The following THADA variants were observed in gnomAD, a reference collection of about 807,000 sequenced individuals.
THADA encodes the protein tRNA (32-2'-O)-methyltransferase regulator THADA.
A neutral mutation model predicts 219.8 loss-of-function variants in THADA; 213 were observed. The ratio of observed to expected loss-of-function variants is 0.97; its 90% confidence interval spans 0.87 to 1.09. The LOEUF (loss-of-function observed/expected upper bound fraction) is 1.09. Ranked by LOEUF, THADA falls within the 50% of genes least tolerant of loss-of-function variation. THADA has a pLI of 0.00. For synonymous variants in THADA, 1,018 were observed against 828.9 expected (o/e 1.23, Z -3.92); for missense variants, 2,956 against 2,311.3 (o/e 1.28, Z -5.72).
intron 20 of THADA, among the ~76,000 whole-genome samples, chr2:43,548,788 A>C (rs905073725): frequency 2.6e-5 from 4 of 152,232 alleles, no homozygotes; most frequent in Admixed American, 2.0e-4. Context: ...TTCTTTGACT[A>C]GGAAAGGGAA....
chr2:43,320,608 G>A, intron 30 of THADA, 68 bp from the exon 31 acceptor site: 2 of 1,151,314 alleles, frequency 1.7e-6, no homozygotes, highest in South Asian at 2.8e-5. Flanking sequence ...TCAGGAAGGA[G>A]AACATGGGTA....
intron 26 of THADA, among the ~76,000 whole-genome samples, chr2:43,466,998 C>A (rs902452572): frequency 6.6e-6 from 1 of 151,438 alleles, no homozygotes; most frequent in South Asian, 2.1e-4. Context: ...CTGGCTAACA[C>A]GGTGAAACCC....
At chr2:43,326,465 G>C (rs756982154) in intron 30 of THADA, among the ~76,000 whole-genome samples, 115 of 152,096 alleles carry the variant, frequency 7.6e-4, no homozygotes, top group Non-Finnish European at 1.3e-4. Flanking sequence ...TGGCAGAGGT[G>C]GGTTATTTTT....
At chr2:43,462,050 C>T (rs970883776) in intron 26 of THADA, among the ~76,000 whole-genome samples, 1 of 152,178 alleles carries the variant, frequency 6.6e-6, no homozygotes, top group African/African-American at 2.4e-5. Context: ...AAGTGAGTAT[C>T]TGAGGAAGGC....
rs1447534176 is a variant in THADA, at chr2:43,577,111, G to A, written c.948C>T (p.Ala316=). ...TGCTTCCGTTCTGCCAGTCCAACAT[G>A]GCAAGTGTCCCCTGACAGAGGAATA... ...AVLFLCQGTL[A]MLDWQNGSMG... Residue 316 remains alanine, a synonymous_variant, in exon 10 of 38, where the codon GCC becomes GCT. Transcript: ENST00000405975. 1.9e-6 allele frequency: 3 copies of A among 1,613,112 alleles called. No homozygotes were observed. The highest frequency in any genetic ancestry group is 1.1e-5 in the South Asian group (1 of 90,712).
intron 29 of THADA, among the ~76,000 whole-genome samples, chr2:43,361,748 T>A (rs1039582280): frequency 6.6e-6 from 1 of 152,234 alleles, no homozygotes; most frequent in African/African-American, 2.4e-5. Flanking sequence ...TAAATTATGA[T>A]TATCCCTCAG....
intron 25 of THADA, among the ~76,000 whole-genome samples, chr2:43,486,078 T>C (rs1226931335): frequency 6.6e-6 from 1 of 152,042 alleles, no homozygotes; most frequent in Non-Finnish European, 1.5e-5. Flanking sequence ...AGTGAGAACC[T>C]GTCTTTAAAA....
At chr2:43,410,622 A>C (rs905704311) in intron 28 of THADA, among the ~76,000 whole-genome samples, 1 of 152,188 alleles carries the variant, frequency 6.6e-6, no homozygotes, top group Non-Finnish European at 1.5e-5. Context: ...TGAGTGAAAA[A>C]GCCAGACAAA....
chr2:43,300,918 C>A (rs74382177), intron 31 of THADA, among the ~76,000 whole-genome samples: 9,342 of 152,256 alleles, frequency 0.061, 417 homozygotes, highest in Non-Finnish European at 0.098. Flanking sequence ...TGGGATGGGG[C>A]TGATGATTTG....
intron 22 of THADA, among the ~76,000 whole-genome samples, chr2:43,523,019 ACACT>A (rs1450267685): frequency 6.6e-6 from 1 of 152,162 alleles, no homozygotes; most frequent in Admixed American, 6.5e-5. Context: ...AATTAATAGG[ACACT>A]CAGTGAGAAA....
chr2:43,375,623 CA>C (rs1240437128), intron 29 of THADA, among the ~76,000 whole-genome samples: 3 of 152,122 alleles, frequency 2.0e-5, no homozygotes, highest in African/African-American at 7.2e-5. Context: ...AATAATTTTA[CA>C]CAGAGGAAAA....
At chr2:43,282,470 T>C (rs1192807171) in intron 35 of THADA, among the ~76,000 whole-genome samples, 1 of 152,244 alleles carries the variant, frequency 6.6e-6, no homozygotes, top group Non-Finnish European at 1.5e-5. Flanking sequence ...AATTCCTTCC[T>C]TTATTCTATA....
At chr2:43,572,240 C>G (rs1332624485) in intron 12 of THADA, among the ~76,000 whole-genome samples, 1 of 152,164 alleles carries the variant, frequency 6.6e-6, no homozygotes, top group Non-Finnish European at 1.5e-5. Context: ...ACTCACGTTT[C>G]CACTAATGTA....
chr2:43,533,572 G>A (rs953007957), intron 21 of THADA, among the ~76,000 whole-genome samples: 2 of 152,164 alleles, frequency 1.3e-5, no homozygotes, highest in African/African-American at 4.8e-5. Flanking sequence ...AAAAAAGAAT[G>A]AGTTCATGTC....
intron 22 of THADA, among the ~76,000 whole-genome samples, chr2:43,510,150 G>T (rs530425673): frequency 4.6e-5 from 7 of 152,294 alleles, no homozygotes; most frequent in African/African-American, 1.2e-4. Flanking sequence ...CCACTGCACT[G>T]TGAACATGGA....
At chr2:43,367,979 G>C (rs1043938155) in intron 29 of THADA, among the ~76,000 whole-genome samples, 1 of 152,016 alleles carries the variant, frequency 6.6e-6, no homozygotes, top group African/African-American at 2.4e-5. Flanking sequence ...TTAGCCAGGC[G>C]TGGTGGCAAG....
intron 29 of THADA, among the ~76,000 whole-genome samples, chr2:43,390,290 G>C (rs1399773873): frequency 6.6e-6 from 1 of 152,154 alleles, no homozygotes; most frequent in Non-Finnish European, 1.5e-5. Flanking sequence ...AGTTTCTAAA[G>C]TAATGGCATC....
intron 25 of THADA, among the ~76,000 whole-genome samples, chr2:43,489,189 T>A (rs1177284542): frequency 6.6e-6 from 1 of 152,186 alleles, no homozygotes; most frequent in East Asian, 1.9e-4. Flanking sequence ...AAATTTTTTT[T>A]AACTTTTCTA....
At chr2:43,505,080 C>T (rs888713408) in intron 24 of THADA, among the ~76,000 whole-genome samples, 2 of 151,998 alleles carry the variant, frequency 1.3e-5, no homozygotes, top group Non-Finnish European at 2.9e-5. Flanking sequence ...ATATGAACAC[C>T]CCAAAAGGTA....
Sources: gnomAD v4.1 joint callset for allele counts (sites outside exome capture counted in the v4.1 genomes callset) on GRCh38, gnomAD v4.1.1 for gene constraint, MANE v1.5 for transcripts, NCBI Gene and HGNC (gene_info 2026-07-23, HGNC 2026-07-21) for gene names.